Variants in OTOP1 observed in about 807,000 individuals in gnomAD.
The protein encoded by OTOP1 is otopetrin 1, also known as proton channel OTOP1.
Under a neutral mutation model 52.9 loss-of-function variants are expected in OTOP1, and 59 were observed. The ratio of observed to expected loss-of-function variants is 1.12; its 90% CI spans 0.91 to 1.39. OTOP1 has a LOEUF of 1.39. OTOP1 is among the 40% of genes most tolerant of loss of function. The probability of loss-of-function intolerance (pLI) is 0.00; values close to 1 mark genes in which losing one functional copy is unlikely to be tolerated. For missense variants in OTOP1, 761 were observed against 800.9 expected (o/e 0.95, Z 0.60); for synonymous variants, 317 against 337.7 (o/e 0.94, Z 0.67).
chr4:4,226,830 C>T lies in OTOP1; in HGVS notation c.35G>A (p.Arg12Gln), dbSNP rs1164412564. The change falls in exon 1 of 6, where the codon CGG becomes CAG. Residue 12 changes from arginine (R) to glutamine (Q), a missense_variant. By Grantham distance (43) the Arg-to-Gln change is conservative. Around this residue, in one of 3 missense-constraint regions of OTOP1, gnomAD observed 73 missense variants for 75.7 expected, o/e 0.96. Coordinates refer to ENST00000296358, the MANE Select transcript of OTOP1 (RefSeq NM_177998.3). ...LEGLGSPASP[R>Q]AAASASVAGS... ...TGCGACCGAGGCGCTTGCAGCTGCC[C>T]GGGGCGAGGCGGGCGACCCCAGGCC... The T allele has an allele frequency of 8.2e-6, 11 of 1,347,722 alleles. No individual in the cohort carries two copies. In the East Asian group the frequency reaches 3.1e-4, roughly 38 times the overall value. The allele number at this position is 1,347,722 out of a possible 1,614,324, so 83.5% of individuals were successfully genotyped here.
At chr4:4,204,827 A>G (rs1420816282) in intron 3 of OTOP1, among the ~76,000 whole-genome samples, 1 of 151,478 alleles carries the variant, frequency 6.6e-6, no homozygotes, top group Non-Finnish European at 1.5e-5. Context: ...GCTGGAGTGC[A>G]GTGGCGTGAT....
At chr4:4,216,189 C>A (rs1717149456) in intron 1 of OTOP1, among the ~76,000 whole-genome samples, 1 of 151,940 alleles carries the variant, frequency 6.6e-6, no homozygotes, top group Admixed American at 6.6e-5. Flanking sequence ...AGAAAGGAAG[C>A]AATCTTTGAT....
intron 4 of OTOP1, among the ~76,000 whole-genome samples, chr4:4,199,053 T>C (rs1445670738): frequency 6.6e-6 from 1 of 151,876 alleles, no homozygotes; most frequent in East Asian, 1.9e-4. Context: ...TAGCCAGGTG[T>C]GGTGGCAAGC....
chr4:4,223,276 C>T (rs1303652553), intron 1 of OTOP1, among the ~76,000 whole-genome samples: 1 of 152,216 alleles, frequency 6.6e-6, no homozygotes, highest in Non-Finnish European at 1.5e-5. Flanking sequence ...CCTGCTCTTC[C>T]CTTTGGCTTC....
At chr4:4,208,716 C>T (rs1390448051) in intron 2 of OTOP1, among the ~76,000 whole-genome samples, 2 of 150,852 alleles carry the variant, frequency 1.3e-5, no homozygotes, top group East Asian at 3.9e-4. Context: ...AGTGAATGTA[C>T]TTAACATTAC....
At chr4:4,195,397 T>C (rs898238292) in intron 5 of OTOP1, among the ~76,000 whole-genome samples, 5 of 152,210 alleles carry the variant, frequency 3.3e-5, no homozygotes, top group Admixed American at 2.0e-4. Context: ...CCTTGCCACC[T>C]TCCATCAGAG....
At chr4:4,221,649 G>A (rs1014871446) in intron 1 of OTOP1, among the ~76,000 whole-genome samples, 7 of 152,164 alleles carry the variant, frequency 4.6e-5, no homozygotes, top group African/African-American at 1.7e-4. Context: ...GGGCTCATTA[G>A]TTGTTTGTTT....
In OTOP1 at chr4:4,219,696, CAA is replaced by C. The variant is rs71169623; in HGVS notation, c.404-6694_404-6693del. Among the ~76,000 whole-genome samples, 82 of 124,876 alleles carry C rather than the reference CAA, an allele frequency of 6.6e-4. 1 individual carries two copies. In the East Asian group the frequency reaches 0.012, roughly 18 times the overall value. The allele number at this position is 124,876 out of a possible 152,430, so 81.9% of individuals were successfully genotyped here. A position where few individuals can be genotyped will look rare whatever the true frequency, so the allele number is the denominator to read the frequency against. ...TGGGCGACAGAGCGAGACTCTGTCTCAAAAAAAAAAAAAGACATACTGTATGA... is the reference window on the plus strand; with the variant it reads ...TGGGCGACAGAGCGAGACTCTGTCTCAAAAAAAAAAAGACATACTGTATGA... On this transcript the variant is annotated intron_variant, in intron 1 of 5. Coordinates refer to ENST00000296358, the MANE Select transcript of OTOP1 (RefSeq NM_177998.3).
intron 5 of OTOP1, among the ~76,000 whole-genome samples, chr4:4,192,285 C>G (rs749957292): frequency 1.3e-5 from 2 of 152,064 alleles, no homozygotes; most frequent in Non-Finnish European, 2.9e-5. Flanking sequence ...CCCGGCTGAG[C>G]CCAGCCTCCC....
At chr4:4,225,582 A>AAAAAAAAG (rs1306738143) in intron 1 of OTOP1, among the ~76,000 whole-genome samples, 1 of 151,564 alleles carries the variant, frequency 6.6e-6, no homozygotes, top group South Asian at 2.1e-4. Context: ...AAAAAAAAAA[A>AAAAAAAAG]ATGTGGCAGC....
rs544650768 is a variant in OTOP1 at position 4,217,487 on chromosome 4, A to C, written c.404-4483T>G. ...AAAAGGCAGAATGATGTTTGAAGATACACAAAATGTAATTTTTTCAACAAC... is the reference window on the plus strand; with the variant it reads ...AAAAGGCAGAATGATGTTTGAAGATCCACAAAATGTAATTTTTTCAACAAC... On this transcript the variant is annotated intron_variant, in intron 1 of 5. Transcript: ENST00000296358. Among the ~76,000 whole-genome samples the C allele has an allele frequency of 5.3e-5, 8 of 152,376 alleles. No individual in the cohort carries two copies. The South Asian group carries it at 1.7e-3, about 32-fold the overall frequency.
chr4:4,206,187 G>A lies in OTOP1; in HGVS notation c.541-57C>T, dbSNP rs1204863983. On this transcript the variant is annotated intron_variant, in intron 2 of 5. Transcript: ENST00000296358. ...CGGTGAGACACTCATCTTTACACTTGCAAACTTGAGAAGCTATAAAACTCA... is the reference window on the plus strand; with the variant it reads ...CGGTGAGACACTCATCTTTACACTTACAAACTTGAGAAGCTATAAAACTCA... The A allele has an allele frequency of 5.1e-6, 7 of 1,378,178 alleles. No individual in the cohort carries two copies. The East Asian group carries it at 1.2e-4, about 23-fold the overall frequency. The allele number at this position is 1,378,178 out of a possible 1,614,324, so 85.4% of individuals were successfully genotyped here.
At chr4:4,195,359 T>C (rs1716598569) in intron 5 of OTOP1, among the ~76,000 whole-genome samples, 1 of 152,192 alleles carries the variant, frequency 6.6e-6, no homozygotes, top group African/African-American at 2.4e-5. Context: ...TGCGGACAGA[T>C]AGGTGAGTGA....
At chr4:4,215,174 C>T (rs1717112095) in intron 1 of OTOP1, among the ~76,000 whole-genome samples, 1 of 152,140 alleles carries the variant, frequency 6.6e-6, no homozygotes, top group African/African-American at 2.4e-5. Context: ...AACTAGAAGG[C>T]AGGTGCTGTG....
intron 1 of OTOP1, among the ~76,000 whole-genome samples, chr4:4,217,374 C>G (rs1717176439): frequency 6.6e-6 from 1 of 152,204 alleles, no homozygotes; most frequent in East Asian, 1.9e-4. Context: ...CCTGGGAAAC[C>G]AGAAGACAGT....
Position 4,197,568 on chromosome 4 carries a change from G to GGT in OTOP1, c.1264_1265dup (p.Trp423ProfsTer84). On this transcript the variant is annotated frameshift_variant, in exon 5 of 6. Coordinates refer to ENST00000296358, the MANE Select transcript of OTOP1 (RefSeq NM_177998.3). LOFTEE classifies it high-confidence loss of function. Reference sequence around the variant, plus strand: ...GGATGGAGTAGGGCAGGTTGTACCAGGTGTAGCGGGGGTGGCCCTCAGCAC... The same window carrying GGT: ...GGATGGAGTAGGGCAGGTTGTACCAGGTGTGTAGCGGGGGTGGCCCTCAGCAC... The GGT allele has an allele frequency of 6.2e-7, 1 of 1,614,080 alleles. No individual in the cohort carries two copies. The highest frequency in any genetic ancestry group is 8.5e-7 in the Non-Finnish European group (1 of 1,180,002).
chr4:4,212,321 T>A (rs1213909134), intron 2 of OTOP1, among the ~76,000 whole-genome samples: 3 of 152,266 alleles, frequency 2.0e-5, no homozygotes, highest in East Asian at 3.9e-4. Context: ...TGGGAAACAA[T>A]CCTCATACAT....
intron 2 of OTOP1, among the ~76,000 whole-genome samples, chr4:4,206,538 G>A (rs1287824104): frequency 6.6e-6 from 1 of 152,184 alleles, no homozygotes; most frequent in African/African-American, 2.4e-5. Flanking sequence ...TGGCCAGAAA[G>A]GAAATGTTGA....
chr4:4,188,842 G>T lies in OTOP1; in HGVS notation c.1800C>A (p.His600Gln). 2 of 1,613,844 alleles carry T rather than the reference G, an allele frequency of 1.2e-6. No homozygotes were observed. The highest frequency in any genetic ancestry group is 1.7e-6 in the Non-Finnish European group (2 of 1,179,808). The change falls in exon 6 of 6, where the codon CAC becomes CAA. Residue 600 changes from histidine to glutamine, a missense_variant. Coordinates refer to ENST00000296358, the MANE Select transcript of OTOP1 (RefSeq NM_177998.3). ...AMPFSIFYRM[H>Q]AAASLFEVYC... ...AGACCTCAAAGAGGGAGGCAGCTGC[G>T]TGCATTCGATAGAAAATAGAAAAAG...
Sources: gnomAD v4.1 joint callset for allele counts (sites outside exome capture counted in the v4.1 genomes callset) on GRCh38, gnomAD v4.1.1 for gene constraint, gnomAD v4.1.1 regional missense constraint, MANE v1.5 for transcripts, NCBI Gene and HGNC (gene_info 2026-07-23, HGNC 2026-07-21) for gene names.